Variants in PLCE1 observed in about 807,000 individuals in gnomAD.
The protein encoded by PLCE1 is 1-phosphatidylinositol 4,5-bisphosphate phosphodiesterase epsilon-1.
PLCE1 carries 119 observed loss-of-function variants against 242.8 expected under a neutral mutation model. That is an observed-to-expected ratio of 0.49 (90% CI 0.42 to 0.57). The LOEUF (loss-of-function observed/expected upper bound fraction) is 0.57, where lower values mean the gene tolerates loss of function less well. PLCE1 is among the 20% of genes least tolerant of loss of function. PLCE1 has a pLI of 0.00. For missense variants in PLCE1, 2,441 were observed against 2,788.8 expected, an observed-to-expected ratio of 0.88 and a Z score of 2.81; for synonymous variants, 945 against 1,017.4, an observed-to-expected ratio of 0.93 and a Z score of 1.35.
At chr10:94,297,590 T>TAAAAAAAAAAAAA (rs71031568) in intron 23 of PLCE1, among the ~76,000 whole-genome samples, 12 of 56,580 alleles carry the variant, frequency 2.1e-4, no homozygotes, top group South Asian at 1.0e-3. Context: ...TTTAAATTTG[T>TAAAAAAAAAAAAA]AAAAAAAAAA....
intron 2 of PLCE1, among the ~76,000 whole-genome samples, chr10:94,131,585 G>A (rs1209484161): frequency 6.6e-6 from 1 of 152,210 alleles, no homozygotes; most frequent in South Asian, 2.1e-4. Context: ...GAGTGAGCAG[G>A]ATCTGTCAAC....
At chr10:94,274,910 A>T (rs1356650096) in intron 19 of PLCE1, among the ~76,000 whole-genome samples, 1 of 152,082 alleles carries the variant, frequency 6.6e-6, no homozygotes, top group East Asian at 1.9e-4. Flanking sequence ...GCCTTCCTCA[A>T]ATGCCACATC....
chr10:94,191,966 G>T (rs766040285), intron 4 of PLCE1, among the ~76,000 whole-genome samples: 3 of 152,030 alleles, frequency 2.0e-5, no homozygotes, highest in South Asian at 4.1e-4. Flanking sequence ...CCCATCTCCT[G>T]TTTTTGCACA....
At chr10:94,303,789 T>C (rs2053115491) in intron 24 of PLCE1, among the ~76,000 whole-genome samples, 2 of 152,170 alleles carry the variant, frequency 1.3e-5, no homozygotes, top group Non-Finnish European at 2.9e-5. Flanking sequence ...TTCAACCAGC[T>C]ATGGATTGAA....
intron 3 of PLCE1, among the ~76,000 whole-genome samples, chr10:94,170,561 C>T (rs2047940661): frequency 6.6e-6 from 1 of 152,178 alleles, no homozygotes; most frequent in South Asian, 2.1e-4. Flanking sequence ...AGATACATCT[C>T]CTTATTACCT....
chr10:94,223,755 C>G (rs1014965769), intron 4 of PLCE1, among the ~76,000 whole-genome samples: 1 of 152,132 alleles, frequency 6.6e-6, no homozygotes, highest in Non-Finnish European at 1.5e-5. Context: ...TTGAAATAAG[C>G]AAAATAATCT....
At chr10:94,268,683 A>G (rs1358332639) in intron 16 of PLCE1, among the ~76,000 whole-genome samples, 1 of 152,146 alleles carries the variant, frequency 6.6e-6, no homozygotes, top group Non-Finnish European at 1.5e-5. Context: ...TTGCTATCAA[A>G]TTTTACTTTC....
At position 94,322,026 on chromosome 10, in the gene PLCE1, C is replaced by T; in HGVS notation, c.6468C>T (p.Pro2156=). Residue 2156 remains proline, a synonymous_variant, in exon 30 of 33, where the codon CCC becomes CCT. Transcript: ENST00000371380. ...AACCTCGAACAGTCATCAAAGCACCCCGCGTCAGCACTGCACAGGATGTCA... is the reference window on the plus strand; with the variant it reads ...AACCTCGAACAGTCATCAAAGCACCTCGCGTCAGCACTGCACAGGATGTCA... The part of the protein sequence containing the change: ...PEQPRTVIKA[P]RVSTAQDVIQ... The T allele has an allele frequency of 6.2e-7, 1 of 1,614,122 alleles. No homozygotes were observed. The highest frequency in any genetic ancestry group is 8.5e-7 in the Non-Finnish European group (1 of 1,179,996).
chr10:94,271,717 G>A (rs1235003495), intron 18 of PLCE1, among the ~76,000 whole-genome samples: 1 of 152,158 alleles, frequency 6.6e-6, no homozygotes, highest in East Asian at 1.9e-4. Context: ...TTATATAAGG[G>A]TATGATAATG....
chr10:94,057,440 C>T (rs2043938195), intron 2 of PLCE1, among the ~76,000 whole-genome samples: 1 of 152,136 alleles, frequency 6.6e-6, no homozygotes, highest in African/African-American at 2.4e-5. Flanking sequence ...TAATTTTGGA[C>T]ATTTTACATT....
At position 94,324,347 on chromosome 10, in the gene PLCE1, A is replaced by G; in HGVS notation, c.6502-2A>G. Reference sequence around the variant, plus strand: ...TTCAGTTGATCATAACTTACCTTTCAGACCTTATGCAAAGCCAAATATTCC... The same window carrying G: ...TTCAGTTGATCATAACTTACCTTTCGGACCTTATGCAAAGCCAAATATTCC... On this transcript the variant is annotated splice_acceptor_variant, in intron 30 of 32. Coordinates refer to ENST00000371380, the MANE Select transcript of PLCE1 (RefSeq NM_016341.4). LOFTEE classifies it high-confidence loss of function. 6.2e-7 allele frequency: 1 copy of G among 1,610,606 alleles called. No homozygotes were observed. The highest frequency in any genetic ancestry group is 8.5e-7 in the Non-Finnish European group (1 of 1,176,804).
At chr10:94,026,556 T>C (rs2061455809) in intron 1 of PLCE1, among the ~76,000 whole-genome samples, 1 of 152,160 alleles carries the variant, frequency 6.6e-6, no homozygotes, top group Non-Finnish European at 1.5e-5. Context: ...TAACTCTAAA[T>C]CTAACCTAAC....
chr10:94,202,314 C>T (rs79317315), intron 4 of PLCE1, among the ~76,000 whole-genome samples: 1 of 152,114 alleles, frequency 6.6e-6, no homozygotes, highest in South Asian at 2.1e-4. Context: ...ACCCCACCCC[C>T]ACCAAGATAA....
intron 2 of PLCE1, among the ~76,000 whole-genome samples, chr10:94,094,508 C>T (rs1368369891): frequency 6.6e-6 from 1 of 152,046 alleles, no homozygotes; most frequent in Admixed American, 6.5e-5. Context: ...TAATGCAGAC[C>T]TGGAGGTGAA....
chr10:94,072,708 A>G (rs780214766), intron 2 of PLCE1, among the ~76,000 whole-genome samples: 10 of 152,192 alleles, frequency 6.6e-5, no homozygotes, highest in African/African-American at 2.2e-4. Context: ...TCAAGCATCA[A>G]TAGTGATACT....
At chr10:94,303,796 TG>T (rs2053115928) in intron 24 of PLCE1, among the ~76,000 whole-genome samples, 1 of 152,186 alleles carries the variant, frequency 6.6e-6, no homozygotes, top group East Asian at 1.9e-4. Flanking sequence ...AGCTATGGAT[TG>T]AAAATATTCA....
chr10:94,142,487 CTG>C (rs1165999393), intron 3 of PLCE1, among the ~76,000 whole-genome samples: 1 of 152,164 alleles, frequency 6.6e-6, no homozygotes, highest in East Asian at 1.9e-4. Flanking sequence ...CCACTGCACT[CTG>C]TCCGCCTAGG....
chr10:94,247,719 A>T (rs1164144996), intron 8 of PLCE1, among the ~76,000 whole-genome samples: 1 of 152,228 alleles, frequency 6.6e-6, no homozygotes, highest in Non-Finnish European at 1.5e-5. Context: ...AGTTTTTCAC[A>T]GTCAGCTGCT....
intron 29 of PLCE1, among the ~76,000 whole-genome samples, chr10:94,317,857 C>CA (rs759513081): frequency 6.6e-6 from 1 of 152,148 alleles, no homozygotes; most frequent in Non-Finnish European, 1.5e-5. Flanking sequence ...TGAGTCTATT[C>CA]AACAATTTGA....
Sources: gnomAD v4.1 joint callset for allele counts (sites outside exome capture counted in the v4.1 genomes callset) on GRCh38, gnomAD v4.1.1 for gene constraint, MANE v1.5 for transcripts, NCBI Gene and HGNC (gene_info 2026-07-23, HGNC 2026-07-21) for gene names.